ROBO1: variants seen among roughly 807,000 people sequenced by gnomAD.
The protein encoded by ROBO1 is roundabout guidance receptor 1.
Under a neutral mutation model 195.9 loss-of-function variants are expected in ROBO1, and 149 were observed. The ratio of observed to expected loss-of-function variants is 0.76; its 90% CI spans 0.67 to 0.87. The LOEUF is 0.87. Ranked by LOEUF, ROBO1 falls within the 40% of genes least tolerant of loss-of-function variation. The probability of loss-of-function intolerance (pLI) is 0.00; values close to 1 mark genes in which losing one functional copy is unlikely to be tolerated. For synonymous variants in ROBO1, 816 were observed against 733.2 expected (o/e 1.11, Z -1.82); for missense variants, 1,933 against 2,068.3 (o/e 0.93, Z 1.27).
At chr3:79,487,183 A>AGTGAAAAAACTTGTTTTTTAACAAAACAT in intron 2 of ROBO1, among the ~76,000 whole-genome samples, 1 of 150,086 alleles carries the variant, frequency 6.7e-6, no homozygotes, top group East Asian at 2.0e-4. Flanking sequence ...ATGTATAAGA[A>AGTGAAAAAACTTGTTTTTTAACAAAACAT]GTTAAAAAAC....
intron 1 of ROBO1, among the ~76,000 whole-genome samples, chr3:79,732,404 T>C (rs951993437): frequency 2.0e-5 from 3 of 152,246 alleles, no homozygotes; most frequent in South Asian, 2.1e-4. Context: ...TGTTATTTTA[T>C]GATAAGGAAA....
Position 79,292,588 on chromosome 3 carries a change from G to T in ROBO1, c.89-167049C>A, listed in dbSNP as rs2032319596. ...TTTATTGAGGGTTTTTAGCATGAAGGGTGTTGAATTTTATTGAAGGCCTTT... is the reference window on the plus strand; with the variant it reads ...TTTATTGAGGGTTTTTAGCATGAAGTGTGTTGAATTTTATTGAAGGCCTTT... On this transcript the variant is annotated intron_variant, in intron 2 of 30. Transcript: ENST00000464233. Among the ~76,000 whole-genome samples, 6 of 152,112 alleles carry T rather than the reference G, an allele frequency of 3.9e-5. No homozygotes were observed. The South Asian group carries it at 1.2e-3, about 32-fold the overall frequency.
At chr3:79,575,152 A>G (rs1943414188) in intron 2 of ROBO1, among the ~76,000 whole-genome samples, 1 of 135,046 alleles carries the variant, frequency 7.4e-6, no homozygotes, top group African/African-American at 2.8e-5. Context: ...ATATATAAAT[A>G]TATATATAAC....
chr3:78,746,891 T>C lies in ROBO1; in HGVS notation c.509A>G (p.Asp170Gly). Residue 170 changes from aspartate (D) to glycine (G), a missense_variant, in exon 5 of 31, where the codon GAT (aspartate) becomes GGT (glycine). Transcript: ENST00000464233. ...ATCCGAAGGGTTTTGTCTGAAGTCA[T>C]CCCGAAGTACTGTAGGAACAAGATT... The part of the protein sequence containing the change: ...NASLEVAILR[D>G]DFRQNPSDVM... The C allele has an allele frequency of 3.2e-6, 5 of 1,566,584 alleles. No individual in the cohort carries two copies. Among genetic ancestry groups the C allele is most frequent in the South Asian group, 1.2e-5 (1 of 84,610 alleles).
intron 2 of ROBO1, among the ~76,000 whole-genome samples, chr3:79,186,800 G>A (rs1290727223): frequency 6.6e-6 from 1 of 152,002 alleles, no homozygotes; most frequent in Non-Finnish European, 1.5e-5. Context: ...GCAACAGTGG[G>A]ACAACTGTAA....
intron 2 of ROBO1, among the ~76,000 whole-genome samples, chr3:79,135,580 A>G (rs2108597233): frequency 6.6e-6 from 1 of 152,322 alleles, no homozygotes; most frequent in Non-Finnish European, 1.5e-5. Context: ...TTGAATAAAA[A>G]CTATCTTGGG....
chr3:79,192,143 T>C (rs1377485779), intron 2 of ROBO1, among the ~76,000 whole-genome samples: 1 of 151,666 alleles, frequency 6.6e-6, no homozygotes, highest in Non-Finnish European at 1.5e-5. Flanking sequence ...TCCCCACATT[T>C]GAACAAAATT....
At chr3:79,229,241 T>C (rs1476715837) in intron 2 of ROBO1, among the ~76,000 whole-genome samples, 1 of 152,114 alleles carries the variant, frequency 6.6e-6, no homozygotes, top group Non-Finnish European at 1.5e-5. Context: ...TCCAAACACT[T>C]TTTTGTTTGT....
At chr3:79,452,454 T>C (rs2039476498) in intron 2 of ROBO1, among the ~76,000 whole-genome samples, 2 of 152,060 alleles carry the variant, frequency 1.3e-5, no homozygotes. Flanking sequence ...CACCCTCCAA[T>C]AGAACGTATA....
At position 78,625,877 on chromosome 3, in the gene ROBO1, C is replaced by T. The variant is rs531330254; in HGVS notation, c.3875+1444G>A. Among the ~76,000 whole-genome samples, 281 of 151,818 alleles carry T rather than the reference C, an allele frequency of 1.9e-3. 3 individuals are homozygous for T. The highest frequency in any genetic ancestry group is 6.4e-3 in the African/African-American group (266 of 41,388). ...GAAGGAGTTCAACAAAATGAAGCAG[C>T]GGGAGAGAGCATGGAGCCAGAAGGG... On this transcript the variant is annotated intron_variant, in intron 26 of 30. Transcript: ENST00000464233.
intron 2 of ROBO1, among the ~76,000 whole-genome samples, chr3:79,348,248 G>A (rs1057246832): frequency 2.0e-5 from 3 of 151,274 alleles, no homozygotes; most frequent in African/African-American, 7.3e-5. Context: ...TGCTGTAAGT[G>A]GAAGAGACAC....
chr3:79,203,011 T>C (rs2081796971), intron 2 of ROBO1, among the ~76,000 whole-genome samples: 1 of 151,718 alleles, frequency 6.6e-6, no homozygotes, highest in Non-Finnish European at 1.5e-5. Context: ...TTGCTTTAGT[T>C]CCTCGAGGGG....
intron 1 of ROBO1, among the ~76,000 whole-genome samples, chr3:79,606,010 A>G (rs968011520): frequency 6.8e-6 from 1 of 146,726 alleles, no homozygotes; most frequent in South Asian, 2.1e-4. Flanking sequence ...ATATATATAT[A>G]CCCATTTATA....
chr3:78,994,064 C>G (rs1177852557), intron 3 of ROBO1, among the ~76,000 whole-genome samples: 1 of 151,978 alleles, frequency 6.6e-6, no homozygotes, highest in Non-Finnish European at 1.5e-5. Flanking sequence ...CTCAACAAAT[C>G]TAGTCATTTC....
intron 4 of ROBO1, among the ~76,000 whole-genome samples, chr3:78,840,282 C>A (rs1276282568): frequency 6.6e-6 from 1 of 152,174 alleles, no homozygotes; most frequent in Non-Finnish European, 1.5e-5. Context: ...GTGAATAAAA[C>A]TGCACCTTCA....
chr3:78,940,251 T>C (rs1449882280), intron 3 of ROBO1, among the ~76,000 whole-genome samples: 1 of 151,982 alleles, frequency 6.6e-6, no homozygotes, highest in Non-Finnish European at 1.5e-5. Flanking sequence ...CTCATCTATA[T>C]AACCAGCTAC....
intron 4 of ROBO1, among the ~76,000 whole-genome samples, chr3:78,768,010 C>T (rs1307251454): frequency 1.3e-5 from 2 of 151,816 alleles, no homozygotes; most frequent in African/African-American, 2.4e-5. Flanking sequence ...TGAGGTGTGA[C>T]CTTAGATTGT....
chr3:78,872,384 T>C (rs961428147), intron 4 of ROBO1, among the ~76,000 whole-genome samples: 12 of 152,246 alleles, frequency 7.9e-5, no homozygotes, highest in African/African-American at 2.9e-4. Flanking sequence ...ATTGTCTGGT[T>C]TGATAATCTT....
intron 1 of ROBO1, among the ~76,000 whole-genome samples, chr3:79,620,325 C>A (rs557265085): frequency 1.3e-5 from 2 of 152,114 alleles, no homozygotes; most frequent in South Asian, 4.1e-4. Context: ...GCCTCCTGGA[C>A]CATCACAGAC....
Sources: gnomAD v4.1 joint callset for allele counts (sites outside exome capture counted in the v4.1 genomes callset) on GRCh38, gnomAD v4.1.1 for gene constraint, MANE v1.5 for transcripts, NCBI Gene and HGNC (gene_info 2026-07-23, HGNC 2026-07-21) for gene names.